The following IQUB variants were observed in gnomAD, a reference collection of about 807,000 sequenced individuals.
IQUB encodes IQ motif and ubiquitin-like domain-containing protein.
Under a neutral mutation model 86.4 loss-of-function variants are expected in IQUB, and 86 were observed. The observed-to-expected ratio is 1.00, with a 90% CI of 0.84 to 1.19. The LOEUF (loss-of-function observed/expected upper bound fraction) is 1.19. Ranked by LOEUF, IQUB falls within the 50% of genes most tolerant of loss-of-function variation. The probability of loss-of-function intolerance (pLI) is 0.00; values close to 1 mark genes in which losing one functional copy is unlikely to be tolerated. For missense variants in IQUB, 946 were observed against 916.9 expected, an observed-to-expected ratio of 1.03 and a Z score of -0.41; for synonymous variants, 289 against 304.5, an observed-to-expected ratio of 0.95 and a Z score of 0.53.
At chr7:123,482,607 T>C (rs1245897340) in intron 7 of IQUB, among the ~76,000 whole-genome samples, 1 of 151,970 alleles carries the variant, frequency 6.6e-6, no homozygotes, top group Admixed American at 6.6e-5. Flanking sequence ...AAACACTACA[T>C]GTGAAAATGC....
At chr7:123,486,131 C>T (rs771706588) in intron 7 of IQUB, among the ~76,000 whole-genome samples, 7 of 152,204 alleles carry the variant, frequency 4.6e-5, no homozygotes, top group South Asian at 4.2e-4. Flanking sequence ...AAGGGTTTTA[C>T]GTTAGACTGA....
At chr7:123,519,013 A>G (rs1397445890) in intron 1 of IQUB, among the ~76,000 whole-genome samples, 4 of 150,992 alleles carry the variant, frequency 2.6e-5, no homozygotes, top group Non-Finnish European at 5.9e-5. Context: ...TAATCACTAC[A>G]TTTCTCAAAA....
chr7:123,458,967 T>C (rs185992355), intron 11 of IQUB, among the ~76,000 whole-genome samples: 1 of 152,144 alleles, frequency 6.6e-6, no homozygotes, highest in East Asian at 1.9e-4. Flanking sequence ...TAACATATGC[T>C]AATCTTTGCT....
chr7:123,519,759 A>T (rs889384703), intron 1 of IQUB, among the ~76,000 whole-genome samples: 10 of 152,172 alleles, frequency 6.6e-5, no homozygotes, highest in African/African-American at 2.4e-4. Flanking sequence ...ATAGTTAACA[A>T]TATTTTATAT....
chr7:123,471,388 C>T (rs1403210915), intron 8 of IQUB, among the ~76,000 whole-genome samples: 4 of 152,106 alleles, frequency 2.6e-5, no homozygotes, highest in African/African-American at 9.7e-5. Flanking sequence ...AAGGCTAGGG[C>T]TAAGTTTCAT....
At position 123,469,243 on chromosome 7, in the gene IQUB, C is replaced by T; in HGVS notation, c.1552G>A (p.Val518Met). The T allele has an allele frequency of 6.2e-7, 1 of 1,601,316 alleles. No individual in the cohort carries two copies. Among genetic ancestry groups the T allele is most frequent in the Non-Finnish European group, 8.5e-7 (1 of 1,174,346 alleles). The change falls in exon 9 of 13, where the codon GTG becomes ATG. Residue 518 changes from valine (V) to methionine (M), a missense_variant. Physicochemically the swap from Val to Met is conservative, Grantham distance 21. Coordinates refer to ENST00000324698, the MANE Select transcript of IQUB (RefSeq NM_178827.5). The stretch of plus-strand genomic sequence containing the variant: ...ACAGTGTGTTTAAGAGTTAACAGCA[C>T]ATCCAGCCTCTCATCTTGGGAGATA... ...KNISQDERLD[V>M]LLTLKHTVKE...
intron 7 of IQUB, among the ~76,000 whole-genome samples, chr7:123,488,029 C>T (rs1204763030): frequency 1.3e-5 from 2 of 151,910 alleles, no homozygotes; most frequent in African/African-American, 2.4e-5. Flanking sequence ...TTATTAAACA[C>T]GTGGACAGCA....
chr7:123,503,575 C>A (rs566175084), intron 3 of IQUB, among the ~76,000 whole-genome samples: 1 of 152,000 alleles, frequency 6.6e-6, no homozygotes, highest in South Asian at 2.1e-4. Flanking sequence ...CACTTAATAT[C>A]TATTTTCTTA....
intron 1 of IQUB, among the ~76,000 whole-genome samples, chr7:123,533,973 G>A (rs1022435721): frequency 6.6e-6 from 1 of 152,160 alleles, no homozygotes; most frequent in Admixed American, 6.5e-5. Context: ...AACACATTTA[G>A]AATGTAGTAT....
At chr7:123,491,909 CA>C (rs1263603668) in intron 7 of IQUB, among the ~76,000 whole-genome samples, 1 of 152,052 alleles carries the variant, frequency 6.6e-6, no homozygotes, top group Non-Finnish European at 1.5e-5. Flanking sequence ...GCAAAAATTC[CA>C]AAACAAAATT....
At chr7:123,467,369 C>A (rs1406813683) in intron 9 of IQUB, among the ~76,000 whole-genome samples, 1 of 152,042 alleles carries the variant, frequency 6.6e-6, no homozygotes, top group Non-Finnish European at 1.5e-5. Context: ...CTCCACTGAG[C>A]TTCTCTCCGA....
In IQUB at chr7:123,461,250, TAG is replaced by T. The variant is rs920046599; in HGVS notation, c.2007+105_2007+106del. On this transcript the variant is annotated intron_variant, in intron 11 of 12. Transcript: ENST00000324698. ...TCACAGAGCTTACAGTCTAGTGGAA[TAG>T]AGAGTCATTAAACAATCACACACAC... 20 of 1,143,592 alleles carry T rather than the reference TAG, an allele frequency of 1.7e-5. No individual in the cohort carries two copies. In the Admixed American group the frequency reaches 4.4e-4, roughly 25 times the overall value. The allele number at this position is 1,143,592 out of a possible 1,614,324, so 70.8% of individuals were successfully genotyped here. A position where few individuals can be genotyped will look rare whatever the true frequency, so the allele number is the denominator to read the frequency against.
chr7:123,502,380 T>C, intron 6 of IQUB: 2 of 516,104 alleles, frequency 3.9e-6, no homozygotes, highest in Non-Finnish European at 6.7e-6. Context: ...AAGCTGGGTT[T>C]CCCTAAGAGA....
chr7:123,505,957 T>C (rs946016523), intron 3 of IQUB, among the ~76,000 whole-genome samples: 2 of 152,200 alleles, frequency 1.3e-5, no homozygotes, highest in Admixed American at 6.5e-5. Context: ...CATATGACCA[T>C]ATACTGTTAG....
At chr7:123,484,433 C>T (rs987265867) in intron 7 of IQUB, among the ~76,000 whole-genome samples, 5 of 149,808 alleles carry the variant, frequency 3.3e-5, no homozygotes, top group African/African-American at 7.3e-5. Flanking sequence ...TTATCCGATA[C>T]GATCATATCA....
At chr7:123,479,058 T>C (rs1794880015) in intron 8 of IQUB, among the ~76,000 whole-genome samples, 1 of 152,086 alleles carries the variant, frequency 6.6e-6, no homozygotes. Context: ...ATATCAAAAA[T>C]ATGGTTTTTA....
Position 123,510,095 on chromosome 7 carries a change from C to T in IQUB, c.398-60G>A, listed in dbSNP as rs193151453. 7.7e-4 allele frequency: 837 copies of T among 1,089,674 alleles called. 7 individuals carry two copies. In the African/African-American group the frequency reaches 0.012, roughly 15 times the overall value. 67.5% of individuals were successfully genotyped at this position (1,089,674 alleles called of 1,614,324 possible). A position where few individuals can be genotyped will look rare whatever the true frequency, so the allele number is the denominator to read the frequency against. On this transcript the variant is annotated intron_variant, in intron 2 of 12. Transcript: ENST00000324698. ...AAATATAGCAAAGGTCAGCAAACTA[C>T]AGTCCACAAACAGATACAGAATTAT... is the stretch of plus-strand genomic sequence containing the variant.
intron 1 of IQUB, among the ~76,000 whole-genome samples, chr7:123,525,436 G>A (rs1797148312): frequency 1.3e-5 from 2 of 152,110 alleles, no homozygotes; most frequent in South Asian, 4.1e-4. Flanking sequence ...TTGGGAGAGT[G>A]TATGTGTCCA....
At chr7:123,502,007 C>G (rs1412249080) in intron 6 of IQUB, 1 of 152,218 alleles carries the variant, frequency 6.6e-6, no homozygotes, top group Non-Finnish European at 1.5e-5. Flanking sequence ...ACAGACTTAA[C>G]TTTTTTTCAC....
Sources: allele counts gnomAD v4.1 joint callset (sites outside exome capture counted in the v4.1 genomes callset), GRCh38; gene constraint gnomAD v4.1.1; transcripts MANE v1.5; gene names NCBI Gene and HGNC (gene_info 2026-07-23, HGNC 2026-07-21).